The following ACTR3C variants were observed in gnomAD, a reference collection of about 807,000 sequenced individuals.
ACTR3C encodes actin related protein 3C, also known as actin-related protein 3C.
Under a neutral mutation model 26.3 loss-of-function variants are expected in ACTR3C, and 18 were observed. The observed-to-expected ratio is 0.68, with a 90% CI of 0.47 to 1.01. ACTR3C has a LOEUF of 1.01. Ranked by LOEUF, ACTR3C falls within the 50% of genes least tolerant of loss-of-function variation. ACTR3C has a pLI of 0.00. For synonymous variants in ACTR3C, 55 were observed against 94.5 expected, an observed-to-expected ratio of 0.58 and a Z score of 2.42; for missense variants, 184 against 250.7, an observed-to-expected ratio of 0.73 and a Z score of 1.80.
At chr7:150,156,163 C>G in the ACTR3C span, among the ~76,000 whole-genome samples, 7 of 152,080 alleles carry the variant, frequency 4.6e-5, no homozygotes, top group East Asian at 9.7e-4. Flanking sequence ...ATCCGTCATT[C>G]TGGGTTATTG....
chr7:150,038,958 T>C, the ACTR3C span, among the ~76,000 whole-genome samples: 3 of 87,296 alleles, frequency 3.4e-5, no homozygotes, highest in Non-Finnish European at 4.8e-5. Flanking sequence ...CCCACTCTTG[T>C]GGTGGGTGCC....
downstream of ACTR3C, among the ~76,000 whole-genome samples, chr7:150,240,081 A>G (rs199534462): frequency 1.1e-4 from 16 of 152,324 alleles, no homozygotes; most frequent in East Asian, 2.9e-3. Context: ...TGTATTCTCT[A>G]TGAGGATGAG....
chr7:150,107,046 C>A, the ACTR3C span, among the ~76,000 whole-genome samples: 2 of 144,672 alleles, frequency 1.4e-5, no homozygotes, highest in Admixed American at 1.4e-4. Context: ...CTTGGTTGAC[C>A]TGTTATCTAC....
the ACTR3C span, among the ~76,000 whole-genome samples, chr7:150,039,396 G>T: frequency 3.8e-5 from 2 of 52,796 alleles, no homozygotes; most frequent in Non-Finnish European, 8.1e-5. Flanking sequence ...GAACCCGGGG[G>T]GGAAGAGGGA....
the ACTR3C span, among the ~76,000 whole-genome samples, chr7:150,117,982 C>A: frequency 6.6e-6 from 1 of 152,158 alleles, no homozygotes; most frequent in African/African-American, 2.4e-5. Context: ...AGGAGACCTG[C>A]AGAAGAGGTG....
the ACTR3C span, among the ~76,000 whole-genome samples, chr7:150,033,797 G>A: frequency 6.9e-6 from 1 of 144,240 alleles, no homozygotes; most frequent in African/African-American, 2.6e-5. Context: ...CTCAGAGCCA[G>A]GGGGGGAAGA....
the ACTR3C span, among the ~76,000 whole-genome samples, chr7:150,014,009 TCTTCTGCAAGGAGGGCTTCCATGGG>T: frequency 1.1e-4 from 16 of 152,156 alleles, no homozygotes; most frequent in African/African-American, 3.9e-4. Context: ...CTGGGATATT[TCTTCTGCAAGGAGGGCTTCCATGGG>T]CTTCTGCAAG....
the ACTR3C span, among the ~76,000 whole-genome samples, chr7:150,015,174 G>T: frequency 6.6e-6 from 1 of 152,104 alleles, no homozygotes; most frequent in African/African-American, 2.4e-5. Flanking sequence ...TCTCTAGGGG[G>T]ACTGGCTCCA....
chr7:150,273,500 G>A (rs1175317405), intron 6 of ACTR3C, among the ~76,000 whole-genome samples: 2 of 151,288 alleles, frequency 1.3e-5, no homozygotes, highest in Non-Finnish European at 2.9e-5. Flanking sequence ...AAACTCCTGG[G>A]CTCAAGCAAT....
At chr7:150,245,513 A>G (rs1171502181), downstream of ACTR3C, 1 of 152,196 alleles carries the variant, frequency 6.6e-6, no homozygotes, top group Non-Finnish European at 1.5e-5. Flanking sequence ...TTGCTCCACC[A>G]TGGAGGGGAT....
chr7:150,149,079 G>GTATATATATATATATATA, the ACTR3C span, among the ~76,000 whole-genome samples: 1 of 93,152 alleles, frequency 1.1e-5, no homozygotes, highest in Non-Finnish European at 2.1e-5. Context: ...TAAAGTTTGA[G>GTATATATATATATATATA]TATATATATA....
At chr7:150,054,821 AT>A in the ACTR3C span, among the ~76,000 whole-genome samples, 1 of 152,358 alleles carries the variant, frequency 6.6e-6, no homozygotes, top group South Asian at 2.1e-4. Flanking sequence ...ACTATGTGCC[AT>A]TCATTGTGCT....
At chr7:150,093,257 C>T in the ACTR3C span, among the ~76,000 whole-genome samples, 1 of 151,152 alleles carries the variant, frequency 6.6e-6, no homozygotes, top group South Asian at 2.1e-4. Flanking sequence ...CCAAGCAGAG[C>T]AGCTTCTCAG....
chr7:150,314,773 A>G (rs1186621252), intron 1 of ACTR3C, among the ~76,000 whole-genome samples: 3 of 144,536 alleles, frequency 2.1e-5, no homozygotes, highest in Non-Finnish European at 3.0e-5. Flanking sequence ...CATCTCTCCA[A>G]AAAAAAAAAA....
At chr7:150,036,378 C>T in the ACTR3C span, among the ~76,000 whole-genome samples, 101 of 147,582 alleles carry the variant, frequency 6.8e-4, 4 homozygotes, top group Non-Finnish European at 1.1e-3. Context: ...GGGCCTCAGC[C>T]AGGGCCCCAC....
the ACTR3C span, among the ~76,000 whole-genome samples, chr7:149,976,018 C>T: frequency 3.2e-4 from 49 of 152,326 alleles, no homozygotes; most frequent in South Asian, 8.9e-3. Flanking sequence ...AAAACCCTTT[C>T]GTTGGACTAG....
At chr7:150,003,484 TGTG>T in the ACTR3C span, among the ~76,000 whole-genome samples, 1 of 152,248 alleles carries the variant, frequency 6.6e-6, no homozygotes, top group African/African-American at 2.4e-5. Context: ...GTGTGTATGA[TGTG>T]GTATGTAGGA....
At chr7:150,024,081 C>T in the ACTR3C span, among the ~76,000 whole-genome samples, 2 of 150,966 alleles carry the variant, frequency 1.3e-5, no homozygotes, top group Admixed American at 6.6e-5. Flanking sequence ...AAGGCCATGA[C>T]GGTGCCTGAA....
the ACTR3C span, among the ~76,000 whole-genome samples, chr7:150,036,329 T>C: frequency 4.7e-5 from 7 of 147,906 alleles, no homozygotes; most frequent in African/African-American, 1.7e-4. Flanking sequence ...GGGGCCATCC[T>C]TTAGCAACCC....
Sources: gnomAD v4.1 joint callset for allele counts (sites outside exome capture counted in the v4.1 genomes callset) on GRCh38, gnomAD v4.1.1 for gene constraint, MANE v1.5 for transcripts, NCBI Gene and HGNC (gene_info 2026-07-23, HGNC 2026-07-21) for gene names.